CCNY: variants seen among roughly 807,000 people sequenced by gnomAD.
CCNY encodes cyclin-Y.
A neutral mutation model predicts 42.8 loss-of-function variants in CCNY; 19 were observed. That is an observed-to-expected ratio of 0.44 (90% CI 0.31 to 0.65). CCNY has a LOEUF of 0.65. CCNY is among the 30% of genes least tolerant of loss of function. CCNY has a pLI of 0.07. For missense variants in CCNY, 370 were observed against 437.3 expected, an observed-to-expected ratio of 0.85 and a Z score of 1.37; for synonymous variants, 165 against 162.7, an observed-to-expected ratio of 1.01 and a Z score of -0.11.
intron 1 of CCNY, among the ~76,000 whole-genome samples, chr10:35,459,840 G>T (rs1346416604): frequency 1.3e-5 from 2 of 152,106 alleles, no homozygotes; most frequent in Non-Finnish European, 2.9e-5. Flanking sequence ...CTCTCCTTGT[G>T]TTGGGTACTT....
chr10:35,489,285 G>A (rs1334571939), intron 2 of CCNY, among the ~76,000 whole-genome samples: 1 of 151,986 alleles, frequency 6.6e-6, no homozygotes, highest in Non-Finnish European at 1.5e-5. Context: ...CATCATCAAA[G>A]CCTTTGTTTT....
intron 3 of CCNY, among the ~76,000 whole-genome samples, chr10:35,254,221 T>G (rs1444926970): frequency 1.3e-5 from 2 of 152,160 alleles, no homozygotes; most frequent in Non-Finnish European, 2.9e-5. Context: ...CTTATACTAG[T>G]TTATTTTCTC....
chr10:35,338,195 A>T (rs577933795), intron 1 of CCNY, among the ~76,000 whole-genome samples: 2 of 152,186 alleles, frequency 1.3e-5, no homozygotes, highest in Non-Finnish European at 2.9e-5. Context: ...AATGAACACA[A>T]CTTCATAATT....
chr10:35,294,058 T>G (rs1835444844), intron 3 of CCNY, among the ~76,000 whole-genome samples: 1 of 152,180 alleles, frequency 6.6e-6, no homozygotes, highest in African/African-American at 2.4e-5. Context: ...CCAAAGTGTT[T>G]GGATTACAGG....
Position 35,519,776 on chromosome 10 carries a change from C to CTTTTTTTTTTTTTTTTT in CCNY, c.365+3162_365+3178dup, listed in dbSNP as rs1177122335. 9.9e-4 allele frequency among the ~76,000 whole-genome samples: 74 copies of CTTTTTTTTTTTTTTTTT among 74,660 alleles called. 2 individuals carry two copies. Among genetic ancestry groups the CTTTTTTTTTTTTTTTTT allele is most frequent in the African/African-American group, 1.4e-3 (25 of 17,384 alleles). The allele number at this position is 74,660 out of a possible 152,430, so 49.0% of individuals were successfully genotyped here. A position where few individuals can be genotyped will look rare whatever the true frequency, so the allele number is the denominator to read the frequency against. On this transcript the variant is annotated intron_variant, in intron 4 of 9. Transcript: ENST00000374704. ...AAGTATCTTCTTTTTCTTTTCTTTT[C>CTTTTTTTTTTTTTTTTT]TTTTTTTTTTTTTTTTTTTTTTTTT...
intron 1 of CCNY, among the ~76,000 whole-genome samples, chr10:35,425,298 G>A (rs927274631): frequency 6.6e-6 from 1 of 152,158 alleles, no homozygotes; most frequent in African/African-American, 2.4e-5. Context: ...GAAGATTATT[G>A]CATTGGTATT....
chr10:35,305,218 T>C (rs1352198437), intron 3 of CCNY, among the ~76,000 whole-genome samples: 1 of 152,168 alleles, frequency 6.6e-6, no homozygotes, highest in African/African-American at 2.4e-5. Context: ...TAATGAAAAT[T>C]GTCATTTTAT....
intron 1 of CCNY, among the ~76,000 whole-genome samples, chr10:35,344,227 G>A (rs1295604645): frequency 6.6e-6 from 1 of 152,116 alleles, no homozygotes; most frequent in Non-Finnish European, 1.5e-5. Flanking sequence ...GCTCTTCTCA[G>A]GGGATTTATA....
chr10:35,401,733 T>TTTTGGGATAGAC (rs1379207196), intron 1 of CCNY, among the ~76,000 whole-genome samples: 1 of 151,988 alleles, frequency 6.6e-6, no homozygotes, highest in Admixed American at 6.6e-5. Context: ...TTCTTATAGG[T>TTTTGGGATAGAC]TTTGGGATAG....
intron 8 of CCNY, among the ~76,000 whole-genome samples, chr10:35,564,942 G>A (rs1471622801): frequency 2.0e-5 from 3 of 152,312 alleles, no homozygotes; most frequent in African/African-American, 7.2e-5. Context: ...TGCATAGTGT[G>A]GGCAAGGACA....
At chr10:35,364,981 T>C (rs903540379) in intron 1 of CCNY, among the ~76,000 whole-genome samples, 1 of 152,256 alleles carries the variant, frequency 6.6e-6, no homozygotes, top group African/African-American at 2.4e-5. Context: ...AATTAGGGCA[T>C]GTTTAACTAT....
rs141113892 is a variant in CCNY, at chr10:35,338,133, C to T, written c.154+926C>T. ...AAGGTGATTTTTTTAACCCAAACAT[C>T]TTCTCATAGTTAATCTGGTTGAACT... On this transcript the variant is annotated intron_variant, in intron 1 of 9. Transcript: ENST00000374704. 1.3e-3 allele frequency among the ~76,000 whole-genome samples: 199 copies of T among 152,244 alleles called. 2 individuals carry two copies. The Middle Eastern group carries it at 0.031, about 23-fold the overall frequency.
At chr10:35,367,513 T>C (rs116754541) in intron 1 of CCNY, among the ~76,000 whole-genome samples, 1 of 152,230 alleles carries the variant, frequency 6.6e-6, no homozygotes, top group Non-Finnish European at 1.5e-5. Context: ...TCTTGTGAGA[T>C]AACATGGGTC....
chr10:35,444,010 C>T (rs1295075073), intron 1 of CCNY, among the ~76,000 whole-genome samples: 1 of 152,196 alleles, frequency 6.6e-6, no homozygotes, highest in Non-Finnish European at 1.5e-5. Context: ...TTTGTGTGTG[C>T]TCTCTGGCAA....
At chr10:35,281,919 C>A (rs994747387) in intron 3 of CCNY, among the ~76,000 whole-genome samples, 6 of 152,128 alleles carry the variant, frequency 3.9e-5, no homozygotes, top group African/African-American at 7.2e-5. Flanking sequence ...GTAGAATAAA[C>A]AAGATCTGCA....
At chr10:35,491,865 C>T (rs977622220) in intron 2 of CCNY, among the ~76,000 whole-genome samples, 4 of 151,730 alleles carry the variant, frequency 2.6e-5, no homozygotes, top group Non-Finnish European at 2.9e-5. Context: ...CCACCCGCCT[C>T]GGCCCTCCAA....
chr10:35,519,952 A>AT (rs780524858), intron 4 of CCNY, among the ~76,000 whole-genome samples: 3 of 151,180 alleles, frequency 2.0e-5, no homozygotes, highest in East Asian at 3.9e-4. Context: ...TAATTTTTGC[A>AT]TTTTTTGTAG....
chr10:35,344,060 T>C (rs1452574340), intron 1 of CCNY, among the ~76,000 whole-genome samples: 9 of 152,220 alleles, frequency 5.9e-5, no homozygotes, highest in Admixed American at 5.9e-4. Context: ...GGGTGAGAGT[T>C]CACTTTCCCT....
intron 3 of CCNY, among the ~76,000 whole-genome samples, chr10:35,301,010 GT>G (rs1442696981): frequency 4.6e-5 from 7 of 152,138 alleles, no homozygotes; most frequent in African/African-American, 1.7e-4. Context: ...GTTTCACCAT[GT>G]TGGCCAGGTT....
Sources: gnomAD v4.1 joint callset for allele counts (sites outside exome capture counted in the v4.1 genomes callset) on GRCh38, gnomAD v4.1.1 for gene constraint, MANE v1.5 for transcripts, NCBI Gene and HGNC (gene_info 2026-07-23, HGNC 2026-07-21) for gene names.